Variants in KCNK5 observed in about 807,000 individuals in gnomAD.
KCNK5 encodes potassium two pore domain channel subfamily K member 5, also known as potassium channel subfamily K member 5.
A neutral mutation model predicts 32.9 loss-of-function variants in KCNK5; 18 were observed. The ratio of observed to expected loss-of-function variants is 0.55; its 90% CI spans 0.38 to 0.81. KCNK5 has a LOEUF of 0.81. Ranked by LOEUF, KCNK5 falls within the 30% of genes least tolerant of loss-of-function variation. The pLI, the probability that KCNK5 is intolerant of heterozygous loss-of-function variation, is 0.00. For missense variants in KCNK5, 507 were observed against 651.0 expected, an observed-to-expected ratio of 0.78 and a Z score of 2.41; for synonymous variants, 276 against 275.3, an observed-to-expected ratio of 1.00 and a Z score of -0.03.
intron 1 of KCNK5, among the ~76,000 whole-genome samples, chr6:39,214,852 C>T (rs544134986): frequency 3.4e-4 from 52 of 152,286 alleles, no homozygotes; most frequent in African/African-American, 1.1e-3. Flanking sequence ...CACAATATGC[C>T]CCAACCCCAC....
chr6:39,211,895 C>T (rs533580616), intron 1 of KCNK5, among the ~76,000 whole-genome samples: 4 of 151,926 alleles, frequency 2.6e-5, no homozygotes, highest in African/African-American at 9.7e-5. Flanking sequence ...ACCCAGGAGA[C>T]GGAGGTTGCA....
chr6:39,208,505 G>A (rs1407580308), intron 1 of KCNK5, among the ~76,000 whole-genome samples: 1 of 152,208 alleles, frequency 6.6e-6, no homozygotes, highest in African/African-American at 2.4e-5. Flanking sequence ...CTTATTGTCT[G>A]ACTCTAACCT....
In KCNK5 at chr6:39,192,784, T is replaced by A. The variant is rs373569949; in HGVS notation, c.635-1029A>T. 6.6e-5 allele frequency among the ~76,000 whole-genome samples: 10 copies of A among 152,290 alleles called. No homozygotes were observed. The East Asian group carries it at 1.2e-3, about 18-fold the overall frequency. On this transcript the variant is annotated intron_variant, in intron 4 of 4. Coordinates refer to ENST00000359534, the MANE Select transcript of KCNK5 (RefSeq NM_003740.4). ...CTACACTCCAGGATTATTTGAAATG[T>A]CGTTGACGACTACATGTACAGGCAT... is the stretch of plus-strand genomic sequence containing the variant.
chr6:39,194,408 C>T lies in KCNK5; in HGVS notation c.466-71G>A. 4 of 1,524,274 alleles carry T rather than the reference C, an allele frequency of 2.6e-6. No homozygotes were observed. Among genetic ancestry groups the T allele is most frequent in the African/African-American group, 1.4e-5 (1 of 72,426 alleles). The allele number at this position is 1,524,274 out of a possible 1,614,324, so 94.4% of individuals were successfully genotyped here. ...AAACCCAGCAAAGGCACCCAGAGGG[C>T]CAGGGAGGCAGCTAGAGGAGAAGCT... On this transcript the variant is annotated intron_variant, in intron 3 of 4. Coordinates refer to ENST00000359534, the MANE Select transcript of KCNK5 (RefSeq NM_003740.4). The surrounding 1 kb of genome is among the most constrained non-coding windows in gnomAD (Gnocchi z 4.7).
intron 1 of KCNK5, among the ~76,000 whole-genome samples, chr6:39,223,224 T>C (rs904074963): frequency 1.3e-5 from 2 of 152,208 alleles, no homozygotes; most frequent in African/African-American, 4.8e-5. Flanking sequence ...TACACTATTC[T>C]AAGCAAACTA....
chr6:39,211,806 A>C (rs1336003619), intron 1 of KCNK5, among the ~76,000 whole-genome samples: 1 of 151,862 alleles, frequency 6.6e-6, no homozygotes, highest in Non-Finnish European at 1.5e-5. Context: ...TCTACTAAAA[A>C]TACAAAAATT....
chr6:39,227,329 C>T (rs1332666430), intron 1 of KCNK5, among the ~76,000 whole-genome samples: 1 of 152,142 alleles, frequency 6.6e-6, no homozygotes, highest in African/African-American at 2.4e-5. Flanking sequence ...AAAACTTGTT[C>T]TCTAGAGGAA....
chr6:39,219,419 G>A (rs1771503054), intron 1 of KCNK5, among the ~76,000 whole-genome samples: 1 of 152,144 alleles, frequency 6.6e-6, no homozygotes, highest in Non-Finnish European at 1.5e-5. Context: ...GATGCAATGT[G>A]CTCAAGGCCT....
Position 39,189,442 on chromosome 6 carries a change from G to T in KCNK5, c.*1448C>A, listed in dbSNP as rs1770880645. The T allele has an allele frequency of 6.6e-6, 1 of 152,638 alleles. No individual in the cohort carries two copies. The highest frequency in any genetic ancestry group is 1.5e-5 in the Non-Finnish European group (1 of 68,052). The allele number at this position is 152,638 out of a possible 1,614,324, so 9.5% of individuals were successfully genotyped here. A position where few individuals can be genotyped will look rare whatever the true frequency, so the allele number is the denominator to read the frequency against. On this transcript the variant is annotated 3_prime_UTR_variant, in exon 5 of 5. Coordinates refer to ENST00000359534, the MANE Select transcript of KCNK5 (RefSeq NM_003740.4). Reference sequence around the variant, plus strand: ...TCACCGAAAAAGGCCCAATTGAGTTGCAGGGCAGGAGGGCAGACACTAGAT... The same window carrying T: ...TCACCGAAAAAGGCCCAATTGAGTTTCAGGGCAGGAGGGCAGACACTAGAT...
At chr6:39,201,946 T>G (rs1019217475) in intron 1 of KCNK5, among the ~76,000 whole-genome samples, 5 of 152,166 alleles carry the variant, frequency 3.3e-5, no homozygotes, top group Admixed American at 6.5e-5. Flanking sequence ...CCCAGGTGGC[T>G]TCTAACCTCT....
At position 39,194,675 on chromosome 6, in the gene KCNK5, C is replaced by T. The variant is rs780476326; in HGVS notation, c.384G>A (p.Thr128=). The T allele has an allele frequency of 9.9e-6, 16 of 1,614,100 alleles. No individual in the cohort carries two copies. The highest frequency in any genetic ancestry group is 3.3e-5 in the South Asian group (3 of 91,074). The change falls in exon 3 of 5, where the codon ACG becomes ACA. Residue 128 remains threonine, a synonymous_variant. Coordinates refer to ENST00000359534, the MANE Select transcript of KCNK5 (RefSeq NM_003740.4). The surrounding 1 kb of genome is among the most constrained non-coding windows in gnomAD (Gnocchi z 4.7). Reference sequence around the variant, plus strand: ...AGAACTTGCCCAGGGCACTGATCCACGTCAGGCAGAGCGGCACCCCGAAGA... The same window carrying T: ...AGAACTTGCCCAGGGCACTGATCCATGTCAGGCAGAGCGGCACCCCGAAGA... The part of the protein sequence containing the change: ...YGLFGVPLCL[T]WISALGKFFG...
At chr6:39,211,965 A>G (rs1771351355) in intron 1 of KCNK5, among the ~76,000 whole-genome samples, 1 of 152,014 alleles carries the variant, frequency 6.6e-6, no homozygotes, top group Non-Finnish European at 1.5e-5. Flanking sequence ...ACTCTGTCTC[A>G]AAAAGAAAAA....
Position 39,194,384 on chromosome 6 carries a change from A to C in KCNK5, c.466-47T>G, listed in dbSNP as rs1425241878. 1.3e-6 allele frequency: 2 copies of C among 1,556,226 alleles called. No individual in the cohort carries two copies. The highest frequency in any genetic ancestry group is 3.7e-5 in the Admixed American group (2 of 54,124). ...AGTCAGAGAATAGTGGAGACTTGGAAACCCAGCAAAGGCACCCAGAGGGCC... is the reference window on the plus strand; with the variant it reads ...AGTCAGAGAATAGTGGAGACTTGGACACCCAGCAAAGGCACCCAGAGGGCC... On this transcript the variant is annotated intron_variant, in intron 3 of 4. Coordinates refer to ENST00000359534, the MANE Select transcript of KCNK5 (RefSeq NM_003740.4). The surrounding 1 kb of genome is among the most constrained non-coding windows in gnomAD (Gnocchi z 4.7).
intron 2 of KCNK5, 30 bp downstream of exon 2, chr6:39,195,846 T>C (rs536436591): frequency 6.5e-7 from 1 of 1,545,684 alleles, no homozygotes; most frequent in East Asian, 2.2e-5. Context: ...GGCATGGATG[T>C]GGGTGTCCTA....
At chr6:39,192,081 G>GTGGA (rs1770949694) in intron 4 of KCNK5, among the ~76,000 whole-genome samples, 1 of 151,942 alleles carries the variant, frequency 6.6e-6, no homozygotes, top group Non-Finnish European at 1.5e-5. Context: ...ATCACTTGAG[G>GTGGA]TCAGGAGTTC....
intron 1 of KCNK5, among the ~76,000 whole-genome samples, chr6:39,227,709 G>T (rs556208002): frequency 6.6e-6 from 1 of 152,254 alleles, no homozygotes; most frequent in Non-Finnish European, 1.5e-5. Flanking sequence ...TTTTCCAAAT[G>T]CTTCCAACCT....
intron 1 of KCNK5, among the ~76,000 whole-genome samples, chr6:39,215,023 G>C (rs938432078): frequency 6.6e-6 from 1 of 152,202 alleles, no homozygotes; most frequent in African/African-American, 2.4e-5. Context: ...AGCTCAGAGA[G>C]GTGCAGTGAC....
intron 1 of KCNK5, among the ~76,000 whole-genome samples, chr6:39,221,985 GA>G (rs1771560194): frequency 6.6e-6 from 1 of 152,188 alleles, no homozygotes. Context: ...ATCAAGCACA[GA>G]AAGGATAGCC....
chr6:39,198,529 G>A (rs982867853), intron 1 of KCNK5, among the ~76,000 whole-genome samples: 10 of 152,336 alleles, frequency 6.6e-5, no homozygotes, highest in Admixed American at 6.5e-4. Flanking sequence ...CCACTTAAAT[G>A]TTTAAGTCTT....
Sources: allele counts gnomAD v4.1 joint callset (sites outside exome capture counted in the v4.1 genomes callset), GRCh38; gene constraint gnomAD v4.1.1; non-coding constraint Gnocchi (gnomAD v3.1); transcripts MANE v1.5; gene names NCBI Gene and HGNC (gene_info 2026-07-23, HGNC 2026-07-21).